NBPF26: variants seen among roughly 807,000 people sequenced by gnomAD.
NBPF26 encodes the protein NBPF member 26.
NBPF26 carries 79 observed loss-of-function variants against 119.6 expected under a neutral mutation model. The ratio of observed to expected loss-of-function variants is 0.66; its 90% CI spans 0.55 to 0.80. The LOEUF is 0.80. Among genes scored for constraint, NBPF26 ranks in the 30% least tolerant of loss-of-function variants. The pLI is 0.00. For missense variants in NBPF26, 800 were observed against 1,198.2 expected (o/e 0.67, Z 4.91); for synonymous variants, 299 against 457.7 (o/e 0.65, Z 4.43).
chr1:120,761,349 G>A (rs1651135135), intron 1 of NBPF26, among the ~76,000 whole-genome samples: 1 of 113,136 alleles, frequency 8.8e-6, no homozygotes, highest in Non-Finnish European at 1.7e-5. Context: ...GCTGTTGCTG[G>A]TGGATCACAG....
chr1:120,781,756 G>A lies in NBPF26; in HGVS notation c.156-3218G>A, dbSNP rs1651363996. On this transcript the variant is annotated intron_variant, in intron 2 of 29. Transcript: ENST00000620612. Reference sequence around the variant, plus strand: ...TTTTTTATATTTTTAGTAGAGACAGGACTGTGTTAGCCAGGATGGTCTCGA... The same window carrying A: ...TTTTTTATATTTTTAGTAGAGACAGAACTGTGTTAGCCAGGATGGTCTCGA... Among the ~76,000 whole-genome samples, 6 of 114,550 alleles carry A rather than the reference G, an allele frequency of 5.2e-5. 1 individual carries two copies. The South Asian group carries it at 1.0e-3, about 20-fold the overall frequency. The allele number at this position is 114,550 out of a possible 152,430, so 75.1% of individuals were successfully genotyped here. A position where few individuals can be genotyped will look rare whatever the true frequency, so the allele number is the denominator to read the frequency against.
downstream of NBPF26, chr1:120,840,630 G>T: frequency 2.1e-6 from 3 of 1,453,538 alleles, no homozygotes; most frequent in East Asian, 2.3e-5. Flanking sequence ...CATTCCTGCA[G>T]GCAGGACCTA....
rs1484622961 is a variant in NBPF26, at chr1:120,810,091, G to C, written c.1352+208G>C. Among the ~76,000 whole-genome samples, 2 of 128,222 alleles carry C rather than the reference G, an allele frequency of 1.6e-5. 1 individual carries two copies. Among genetic ancestry groups the C allele is most frequent in the Admixed American group, 1.5e-4 (2 of 13,554 alleles). 84.1% of individuals were successfully genotyped at this position (128,222 alleles called of 152,430 possible). ...GTCATGTCTGTACCATACAGGGATA[G>C]CTGAGTCTTCATCCTCCTCAGCTCC... On this transcript the variant is annotated intron_variant, in intron 8 of 29. Coordinates refer to ENST00000620612, the Ensembl canonical transcript of NBPF26.
At chr1:120,760,180 CTTTTTTTTTTTT>C (rs1161423259) in intron 1 of NBPF26, among the ~76,000 whole-genome samples, 1 of 15,172 alleles carries the variant, frequency 6.6e-5, no homozygotes, top group African/African-American at 7.3e-4. Flanking sequence ...TCTACCACAG[CTTTTTTTTTTTT>C]TTTTTTTTTT....
Position 120,806,391 on chromosome 1 carries a change from G to A in NBPF26, c.961+626G>A. ...GGGCAGAGCACGAGGTCAGCAGTTT[G>A]AGACTAGCCTGGGCAACATGGAGAA... On this transcript the variant is annotated intron_variant, in intron 5 of 29. Transcript: ENST00000620612. Among the ~76,000 whole-genome samples, 2 of 107,864 alleles carry A rather than the reference G, an allele frequency of 1.9e-5. 1 individual carries two copies. The allele number at this position is 107,864 out of a possible 152,430, so 70.8% of individuals were successfully genotyped here. A position where few individuals can be genotyped will look rare whatever the true frequency, so the allele number is the denominator to read the frequency against.
At chr1:120,794,541 TG>T (rs1651536084) in intron 4 of NBPF26, among the ~76,000 whole-genome samples, 1 of 103,142 alleles carries the variant, frequency 9.7e-6, no homozygotes, top group African/African-American at 6.3e-5. Flanking sequence ...TCTTAGATTC[TG>T]GTATTGTGGA....
intron 3 of NBPF26, among the ~76,000 whole-genome samples, chr1:120,791,375 T>G (rs1253389912): frequency 9.4e-6 from 1 of 106,900 alleles, no homozygotes; most frequent in East Asian, 2.3e-4. Flanking sequence ...CTATTCACAA[T>G]AGCAAAGAGT....
rs1651074590 is a variant in NBPF26, at chr1:120,755,880, A to G, written c.74-7748A>G. Among the ~76,000 whole-genome samples, 2 of 84,468 alleles carry G rather than the reference A, an allele frequency of 2.4e-5. 1 individual carries two copies. Among genetic ancestry groups the G allele is most frequent in the Admixed American group, 2.3e-4 (2 of 8,742 alleles). 55.4% of individuals were successfully genotyped at this position (84,468 alleles called of 152,430 possible). ...CTATATGATAATATCTGTAAAGAGCACATAAATCCTTGGAACACTATTAGG... is the reference window on the plus strand; with the variant it reads ...CTATATGATAATATCTGTAAAGAGCGCATAAATCCTTGGAACACTATTAGG... On this transcript the variant is annotated intron_variant, in intron 1 of 29. Transcript: ENST00000620612.
chr1:120,813,670 T>A (rs1651932301), intron 10 of NBPF26, among the ~76,000 whole-genome samples: 1 of 129,022 alleles, frequency 7.8e-6, no homozygotes, highest in Admixed American at 7.4e-5. Context: ...GTCAACTTCC[T>A]TGATGTGCCC....
chr1:120,810,191 G>C lies in NBPF26; in HGVS notation c.1353-156G>C, dbSNP rs1342220726. On this transcript the variant is annotated intron_variant, in intron 8 of 29. Transcript: ENST00000620612. ...CATGGCAGCCATGCTCTGTTGCAGA[G>C]AGAAGCGGATTGCCTGTTTCCTCTT... is the stretch of plus-strand genomic sequence containing the variant. Among the ~76,000 whole-genome samples the C allele has an allele frequency of 8.4e-5, 10 of 119,536 alleles. 3 individuals carry two copies. Among genetic ancestry groups the C allele is most frequent in the Non-Finnish European group, 1.6e-4 (10 of 61,560 alleles). The allele number at this position is 119,536 out of a possible 152,430, so 78.4% of individuals were successfully genotyped here. A position where few individuals can be genotyped will look rare whatever the true frequency, so the allele number is the denominator to read the frequency against.
intron 2 of NBPF26, among the ~76,000 whole-genome samples, chr1:120,770,825 G>T (rs1651255463): frequency 8.6e-6 from 1 of 116,932 alleles, no homozygotes; most frequent in Non-Finnish European, 1.6e-5. Context: ...AAGGAAGTGT[G>T]GAACATTTGA....
Position 120,724,111 on chromosome 1 carries a change from C to T in NBPF26, c.-67C>T. ...GGGGCTCCTCTATCGGGACCCCCTCCCCATGTGGATCTGCCCAGGCGGCGG... is the reference window on the plus strand; with the variant it reads ...GGGGCTCCTCTATCGGGACCCCCTCTCCATGTGGATCTGCCCAGGCGGCGG... On this transcript the variant is annotated 5_prime_UTR_variant, in exon 1 of 30. Coordinates refer to ENST00000620612, the Ensembl canonical transcript of NBPF26. 6.0e-6 allele frequency: 8 copies of T among 1,342,364 alleles called. 1 individual carries two copies. In the Middle Eastern group the frequency reaches 7.4e-4, roughly 124 times the overall value. The allele number at this position is 1,342,364 out of a possible 1,614,324, so 83.2% of individuals were successfully genotyped here. A position where few individuals can be genotyped will look rare whatever the true frequency, so the allele number is the denominator to read the frequency against.
intron 3 of NBPF26, among the ~76,000 whole-genome samples, chr1:120,790,104 C>T (rs1202572333): frequency 3.2e-5 from 3 of 93,878 alleles, no homozygotes; most frequent in Middle Eastern, 4.5e-3. Context: ...CAAGTTCCAC[C>T]TCCCGGGTTC....
At chr1:120,776,531 A>C (rs1651308540) in intron 2 of NBPF26, among the ~76,000 whole-genome samples, 1 of 24,458 alleles carries the variant, frequency 4.1e-5, no homozygotes, top group Admixed American at 4.6e-4. Context: ...TTCAAGAATC[A>C]TTTAATATAT....
chr1:120,756,628 T>G (rs1279327002), intron 1 of NBPF26, among the ~76,000 whole-genome samples: 1 of 118,258 alleles, frequency 8.5e-6, no homozygotes, highest in Non-Finnish European at 1.6e-5. Flanking sequence ...TGAAGGCTTC[T>G]CAGATTACAC....
chr1:120,732,949 AT>A (rs1650880295), intron 1 of NBPF26, among the ~76,000 whole-genome samples: 1 of 86,898 alleles, frequency 1.2e-5, no homozygotes, highest in Non-Finnish European at 2.1e-5. Context: ...AGATTTTTTT[AT>A]TTTTGTAAAA....
chr1:120,793,126 G>C lies in NBPF26; in HGVS notation c.416-35G>C. 4 of 895,178 alleles carry C rather than the reference G, an allele frequency of 4.5e-6. 2 individuals are homozygous for C. The highest frequency in any genetic ancestry group is 2.9e-5 in the South Asian group (2 of 69,552). 55.5% of individuals were successfully genotyped at this position (895,178 alleles called of 1,614,324 possible). ...GAGGATGGGGCCATCTCCTATTTCT[G>C]TGGCCAGTACTGAGTTTTGTTATCC... On this transcript the variant is annotated intron_variant, in intron 3 of 29. Transcript: ENST00000620612.
upstream of NBPF26, chr1:120,723,947 C>A (rs1217657693): frequency 3.1e-5 from 24 of 779,346 alleles, 5 homozygotes; most frequent in Non-Finnish European, 4.0e-5. Context: ...AAAGTTTCAG[C>A]CAAACTTCCG....
intron 2 of NBPF26, among the ~76,000 whole-genome samples, chr1:120,777,509 A>G (rs1345642874): frequency 9.0e-6 from 1 of 111,400 alleles, no homozygotes; most frequent in Non-Finnish European, 1.7e-5. Context: ...ACATACAACT[A>G]GTAAGGCCCT....
Sources: gnomAD v4.1 joint callset for allele counts (sites outside exome capture counted in the v4.1 genomes callset) on GRCh38, gnomAD v4.1.1 for gene constraint, MANE v1.5 for transcripts, NCBI Gene and HGNC (gene_info 2026-07-23, HGNC 2026-07-21) for gene names.